KIAA1328: variants seen among roughly 807,000 people sequenced by gnomAD.
KIAA1328 encodes protein hinderin.
A neutral mutation model predicts 68.1 loss-of-function variants in KIAA1328; 52 were observed. The observed-to-expected ratio is 0.76, with a 90% CI of 0.61 to 0.96. KIAA1328 has a LOEUF of 0.96. Among genes scored for constraint, KIAA1328 ranks in the 40% least tolerant of loss-of-function variants. KIAA1328 has a pLI of 0.00. For synonymous variants in KIAA1328, 232 were observed against 239.4 expected (o/e 0.97, Z 0.28); for missense variants, 641 against 677.6 (o/e 0.95, Z 0.60).
At chr18:37,143,235 G>A (rs1037435156) in intron 7 of KIAA1328, among the ~76,000 whole-genome samples, 1 of 152,112 alleles carries the variant, frequency 6.6e-6, no homozygotes, top group African/African-American at 2.4e-5. Context: ...GATTACAGGT[G>A]TGAGCCACCA....
At chr18:37,163,753 C>G (rs908851107) in intron 8 of KIAA1328, among the ~76,000 whole-genome samples, 4 of 152,112 alleles carry the variant, frequency 2.6e-5, no homozygotes, top group South Asian at 2.1e-4. Flanking sequence ...TTCTATCTTG[C>G]CTCTAAGGAG....
At chr18:37,080,355 C>T (rs1195861156) in intron 7 of KIAA1328, among the ~76,000 whole-genome samples, 3 of 152,158 alleles carry the variant, frequency 2.0e-5, no homozygotes, top group Non-Finnish European at 2.9e-5. Flanking sequence ...TGCTTTCTGG[C>T]TTTAGGAGCC....
At chr18:36,980,345 C>T (rs1010089316) in intron 6 of KIAA1328, among the ~76,000 whole-genome samples, 3 of 152,068 alleles carry the variant, frequency 2.0e-5, no homozygotes, top group African/African-American at 7.2e-5. Context: ...AGTTCCCTTC[C>T]CACAAGGGAC....
chr18:37,032,604 A>G (rs914444908), intron 6 of KIAA1328, among the ~76,000 whole-genome samples: 3 of 151,496 alleles, frequency 2.0e-5, no homozygotes, highest in African/African-American at 4.9e-5. Context: ...TCACTTTCAT[A>G]ATATTGTATC....
At chr18:37,142,945 TTTTTTTTTTG>T (rs1369379266) in intron 7 of KIAA1328, among the ~76,000 whole-genome samples, 2 of 151,566 alleles carry the variant, frequency 1.3e-5, no homozygotes, top group Non-Finnish European at 2.9e-5. Context: ...TACTTTGGTT[TTTTTTTTTTG>T]TTTTTTTTTT....
intron 6 of KIAA1328, among the ~76,000 whole-genome samples, chr18:36,966,048 A>G (rs1168357165): frequency 6.6e-6 from 1 of 152,326 alleles, no homozygotes; most frequent in East Asian, 1.9e-4. Flanking sequence ...AAAGCAAACA[A>G]ACAAAGAAAG....
At chr18:36,989,667 TCTG>T (rs2151408267) in intron 6 of KIAA1328, among the ~76,000 whole-genome samples, 1 of 152,256 alleles carries the variant, frequency 6.6e-6, no homozygotes, top group Non-Finnish European at 1.5e-5. Flanking sequence ...TTTAAGATGA[TCTG>T]TTGTTAGTAT....
intron 7 of KIAA1328, among the ~76,000 whole-genome samples, chr18:37,070,980 C>G (rs1568365760): frequency 6.6e-6 from 1 of 151,070 alleles, no homozygotes; most frequent in Non-Finnish European, 1.5e-5. Flanking sequence ...TTAGACACAG[C>G]ATTTGAGTCA....
intron 7 of KIAA1328, among the ~76,000 whole-genome samples, chr18:37,145,557 A>G (rs1185469607): frequency 1.3e-5 from 2 of 152,206 alleles, no homozygotes; most frequent in Non-Finnish European, 2.9e-5. Context: ...GAAATGTTAA[A>G]ATATCCAAAT....
intron 7 of KIAA1328, among the ~76,000 whole-genome samples, chr18:37,069,456 T>C (rs2056455538): frequency 6.6e-6 from 1 of 152,112 alleles, no homozygotes; most frequent in South Asian, 2.1e-4. Context: ...GGGATATTGT[T>C]CTGTTGTTTT....
At chr18:36,957,132 A>G (rs993560474) in intron 5 of KIAA1328, among the ~76,000 whole-genome samples, 1 of 152,186 alleles carries the variant, frequency 6.6e-6, no homozygotes, top group African/African-American at 2.4e-5. Flanking sequence ...TTATGCAGTC[A>G]TGATTGGCAA....
chr18:37,222,001 G>T lies in KIAA1328; in HGVS notation c.1524-16G>T. On this transcript the variant is annotated splice_polypyrimidine_tract_variant and intron_variant, in intron 9 of 9. Transcript: ENST00000280020. ...AATAATCTGATCCTTTCCTGTCTGG[G>T]TTATATGTCTTACAGGTATGAGACA... 1 of 1,609,750 alleles carries T rather than the reference G, an allele frequency of 6.2e-7. No homozygotes were observed. The highest frequency in any genetic ancestry group is 1.1e-5 in the South Asian group (1 of 90,350).
chr18:37,112,612 C>T (rs921594165), intron 7 of KIAA1328, among the ~76,000 whole-genome samples: 11 of 152,342 alleles, frequency 7.2e-5, no homozygotes, highest in East Asian at 5.8e-4. Context: ...TCCAAAGGAA[C>T]GCAGGTCCTC....
At chr18:37,086,401 C>T (rs2057105594) in intron 7 of KIAA1328, among the ~76,000 whole-genome samples, 1 of 152,300 alleles carries the variant, frequency 6.6e-6, no homozygotes, top group African/African-American at 2.4e-5. Context: ...TGGAGACTTC[C>T]ATAAAATCCT....
rs1369731901 is a variant in KIAA1328, at chr18:36,829,179, C to A, written c.41C>A (p.Ala14Glu). The A allele has an allele frequency of 9.8e-6, 15 of 1,532,346 alleles. No individual in the cohort carries two copies. The East Asian group carries it at 3.5e-4, about 36-fold the overall frequency. The allele number at this position is 1,532,346 out of a possible 1,614,324, so 94.9% of individuals were successfully genotyped here. The change falls in exon 1 of 10, where the codon GCG becomes GAG. Residue 14 changes from alanine to glutamate, a missense_variant. Ala to Glu is a moderately radical substitution (Grantham distance 107). Coordinates refer to ENST00000280020, the MANE Select transcript of KIAA1328 (RefSeq NM_020776.3). The stretch of plus-strand genomic sequence containing the variant: ...GGCCCCTCCCGCCCCAGTGCCGCGG[C>A]GTTCTGGAGCCGGGACTGTATCCTT... ...VAGPSRPSAA[A>E]FWSRDFSDEE...
intron 5 of KIAA1328, among the ~76,000 whole-genome samples, chr18:36,886,880 A>G (rs925530528): frequency 3.9e-5 from 6 of 152,206 alleles, no homozygotes; most frequent in Admixed American, 6.5e-5. Context: ...ATAAATTACA[A>G]TAATTAGCTT....
At chr18:36,909,687 C>G (rs1055386912) in intron 5 of KIAA1328, among the ~76,000 whole-genome samples, 9 of 152,280 alleles carry the variant, frequency 5.9e-5, no homozygotes, top group Non-Finnish European at 1.2e-4. Context: ...ATTTCTAGTT[C>G]TAGATCCTTG....
intron 7 of KIAA1328, among the ~76,000 whole-genome samples, chr18:37,155,131 C>G (rs2059125593): frequency 6.6e-6 from 1 of 152,090 alleles, no homozygotes; most frequent in Admixed American, 6.6e-5. Context: ...TTCGAATTCC[C>G]TCAATACATA....
chr18:37,010,816 G>A (rs1441226963), intron 6 of KIAA1328, among the ~76,000 whole-genome samples: 3 of 152,130 alleles, frequency 2.0e-5, no homozygotes, highest in African/African-American at 7.2e-5. Flanking sequence ...CTGTGACTTA[G>A]GGAATTAAAG....
Sources: allele counts gnomAD v4.1 joint callset (sites outside exome capture counted in the v4.1 genomes callset), GRCh38; gene constraint gnomAD v4.1.1; transcripts MANE v1.5; gene names NCBI Gene and HGNC (gene_info 2026-07-23, HGNC 2026-07-21).